GREB1: variants seen among roughly 807,000 people sequenced by gnomAD.
GREB1 encodes protein GREB1.
A neutral mutation model predicts 200.7 loss-of-function variants in GREB1; 106 were observed. The observed-to-expected ratio is 0.53, with a 90% confidence interval of 0.45 to 0.62. GREB1 has a LOEUF of 0.62. GREB1 is among the 20% of genes least tolerant of loss of function. GREB1 has a pLI of 0.00. For missense variants in GREB1, 2,243 were observed against 2,556.8 expected, an observed-to-expected ratio of 0.88 and a Z score of 2.65; for synonymous variants, 1,132 against 1,092.4, an observed-to-expected ratio of 1.04 and a Z score of -0.72.
At chr2:11,533,635 A>C (rs1401290279), upstream of GREB1, among the ~76,000 whole-genome samples, 1 of 152,236 alleles carries the variant, frequency 6.6e-6, no homozygotes, top group East Asian at 1.9e-4. Context: ...TGCTACCAAC[A>C]AAACCCAACA....
chr2:11,528,483 A>T (rs1011852841), intron 1 of GREB1, among the ~76,000 whole-genome samples: 2 of 152,118 alleles, frequency 1.3e-5, no homozygotes, highest in Admixed American at 6.6e-5. Flanking sequence ...GAGTTGTAAA[A>T]TCTATGGTTA....
chr2:11,552,819 G>A (rs1031851082), intron 1 of GREB1, among the ~76,000 whole-genome samples: 54 of 152,134 alleles, frequency 3.5e-4, no homozygotes, highest in African/African-American at 1.2e-3. Context: ...AGACCATCCT[G>A]GCTAACACGG....
At position 11,618,690 on chromosome 2, in the gene GREB1, C is replaced by G. The variant is rs1315138179; in HGVS notation, c.3815C>G (p.Thr1272Ser). 3.1e-6 allele frequency: 5 copies of G among 1,613,836 alleles called. No homozygotes were observed. The Admixed American group carries it at 5.0e-5, about 16-fold the overall frequency. The change falls in exon 22 of 33, where the codon ACT (threonine) becomes AGT (serine). Residue 1272 changes from threonine (T) to serine (S), a missense_variant. By Grantham distance (58) the Thr-to-Ser change is moderately conservative. This residue lies in a region of GREB1 where 587 missense variants were observed against 553.1 expected (regional missense o/e 1.06). Coordinates refer to ENST00000381486, the MANE Select transcript of GREB1 (RefSeq NM_014668.4). ...PKLVYDMVVS[T>S]DSSGLPKAAS... ...CTCGTGTACGACATGGTTGTGTCCA[C>G]TGACAGCAGTGGCCTGCCCAAGGCC...
intron 1 of GREB1, among the ~76,000 whole-genome samples, chr2:11,528,902 T>C (rs1290367759): frequency 6.6e-6 from 1 of 152,246 alleles, no homozygotes; most frequent in African/African-American, 2.4e-5. Flanking sequence ...CTCTACATTA[T>C]TAAAATGTGA....
At chr2:11,553,371 T>C (rs142788224) in intron 1 of GREB1, among the ~76,000 whole-genome samples, 1,906 of 152,102 alleles carry the variant, frequency 0.013, 20 homozygotes, top group Middle Eastern at 0.031. Context: ...TGGTGGTATG[T>C]TCCTGTAGTG....
chr2:11,545,325 T>A lies in GREB1; in HGVS notation c.-162+11071T>A, dbSNP rs142215563. On this transcript the variant is annotated intron_variant, in intron 1 of 32. Transcript: ENST00000381486. Reference sequence around the variant, plus strand: ...ATTTTTGTATTTTAGCAGAGACGGGTTGCATCATGTTGGCCAGGCTGGTCT... The same window carrying A: ...ATTTTTGTATTTTAGCAGAGACGGGATGCATCATGTTGGCCAGGCTGGTCT... Among the ~76,000 whole-genome samples, 418 of 151,748 alleles carry A rather than the reference T, an allele frequency of 2.8e-3. 1 individual carries two copies. Among genetic ancestry groups the A allele is most frequent in the Middle Eastern group, 6.8e-3 (2 of 294 alleles).
At chr2:11,621,248 G>T (rs1683991060) in intron 23 of GREB1, among the ~76,000 whole-genome samples, 1 of 152,152 alleles carries the variant, frequency 6.6e-6, no homozygotes, top group Non-Finnish European at 1.5e-5. Context: ...CACATGTGGA[G>T]CGCTGACCTA....
At chr2:11,512,959 C>T (rs753502323) in intron 1 of GREB1, among the ~76,000 whole-genome samples, 12 of 152,120 alleles carry the variant, frequency 7.9e-5, no homozygotes, top group Admixed American at 2.6e-4. Flanking sequence ...GTGGAGGAAC[C>T]GGTGGGCTGG....
At chr2:11,578,995 C>G (rs1253627080) in intron 6 of GREB1, among the ~76,000 whole-genome samples, 1 of 152,198 alleles carries the variant, frequency 6.6e-6, no homozygotes, top group Non-Finnish European at 1.5e-5. Context: ...GACGTACATG[C>G]TTGGCACTTC....
intron 1 of GREB1, among the ~76,000 whole-genome samples, chr2:11,523,568 G>A (rs941474351): frequency 1.3e-5 from 2 of 152,068 alleles, no homozygotes; most frequent in Non-Finnish European, 2.9e-5. Flanking sequence ...TCCTGTCCTC[G>A]ACACAGAGAT....
At chr2:11,601,644 C>T (rs7608032) in intron 16 of GREB1, among the ~76,000 whole-genome samples, 97 of 152,332 alleles carry the variant, frequency 6.4e-4, no homozygotes, top group Non-Finnish European at 1.1e-3. Context: ...ACCTGGCTTC[C>T]GTCCTGTGGA....
intron 1 of GREB1, among the ~76,000 whole-genome samples, chr2:11,486,379 G>T (rs1163643540): frequency 6.6e-6 from 1 of 152,100 alleles, no homozygotes; most frequent in African/African-American, 2.4e-5. Context: ...TGGTCTTAAA[G>T]TCCTGACCTC....
chr2:11,549,017 T>C (rs1430055984), intron 1 of GREB1, among the ~76,000 whole-genome samples: 1 of 152,186 alleles, frequency 6.6e-6, no homozygotes, highest in African/African-American at 2.4e-5. Flanking sequence ...TGTGACCTGT[T>C]GTTTCTTTAC....
At chr2:11,639,984 G>T (rs1685689991) in intron 32 of GREB1, among the ~76,000 whole-genome samples, 1 of 152,064 alleles carries the variant, frequency 6.6e-6, no homozygotes, top group African/African-American at 2.4e-5. Flanking sequence ...TACCGGCTGG[G>T]GCTGAGGATG....
intron 23 of GREB1, 81 bp downstream of exon 23, chr2:11,621,088 T>C: frequency 1.2e-6 from 1 of 850,376 alleles, no homozygotes. Flanking sequence ...ATATTTCACT[T>C]TCTAGATGGA....
At chr2:11,528,056 C>T (rs1673947440) in intron 1 of GREB1, among the ~76,000 whole-genome samples, 1 of 152,184 alleles carries the variant, frequency 6.6e-6, no homozygotes. Context: ...GTTGTAAAAT[C>T]AAATTCCACC....
intron 27 of GREB1, 88 bp from the exon 28 acceptor site, chr2:11,632,801 C>T (rs1375076932): frequency 1.9e-5 from 22 of 1,148,202 alleles, no homozygotes; most frequent in Middle Eastern, 2.7e-4. Context: ...CTTGTCTGGG[C>T]GGCCCCGACA....
intron 1 of GREB1, among the ~76,000 whole-genome samples, chr2:11,484,308 G>T (rs1304287310): frequency 6.6e-6 from 1 of 152,216 alleles, no homozygotes; most frequent in Non-Finnish European, 1.5e-5. Context: ...CGGAACACAG[G>T]TGAGGAGATC....
chr2:11,609,629 A>G (rs1161928694), intron 17 of GREB1, among the ~76,000 whole-genome samples: 1 of 152,174 alleles, frequency 6.6e-6, no homozygotes, highest in African/African-American at 2.4e-5. Context: ...CAGCCCTGGT[A>G]ATGGCAAGCT....
Sources: allele counts gnomAD v4.1 joint callset (sites outside exome capture counted in the v4.1 genomes callset), GRCh38; gene constraint gnomAD v4.1.1; regional missense constraint gnomAD v4.1.1; transcripts MANE v1.5; gene names NCBI Gene and HGNC (gene_info 2026-07-23, HGNC 2026-07-21).